The following RBMX variants were observed in gnomAD, a reference collection of about 807,000 sequenced individuals.
The protein encoded by RBMX is RNA binding motif protein X-linked, also known as RNA-binding motif protein, X chromosome.
RBMX carries 1 observed loss-of-function variant against 29.3 expected under a neutral mutation model. The observed-to-expected ratio is 0.03, with a 90% confidence interval of 0.01 to 0.16. RBMX has a LOEUF of 0.16. RBMX is among the 10% of genes least tolerant of loss of function. The probability of loss-of-function intolerance (pLI) is 1.00; values close to 1 mark genes in which losing one functional copy is unlikely to be tolerated. For synonymous variants in RBMX, 102 were observed against 102.3 expected, an observed-to-expected ratio of 1.00 and a Z score of 0.02; for missense variants, 121 against 333.2, an observed-to-expected ratio of 0.36 and a Z score of 4.96.
intron 4 of RBMX, 35 bp from the exon 5 acceptor site, chrX:136,876,690 T>C: frequency 1.0e-6 from 1 of 959,359 alleles, no homozygotes; most frequent in African/African-American, 2.0e-5. Flanking sequence ...ATATTACTAC[T>C]CACAAGAATC....
At chrX:136,872,369 A>G, downstream of RBMX, 1 of 1,146,382 alleles carries the variant, frequency 8.7e-7, no homozygotes, top group Non-Finnish European at 1.2e-6. Context: ...ATAAATGAAA[A>G]CTAGTTATCT....
At chrX:136,879,232 TATC>T (rs1275332968) in intron 2 of RBMX, 84 bp downstream of exon 2, 1 of 1,193,106 alleles carries the variant, frequency 8.4e-7, no homozygotes, top group Non-Finnish European at 1.1e-6. Context: ...AAAAATACAT[TATC>T]ATGTCAGACG....
chrX:136,877,901 AC>A lies in RBMX; in HGVS notation c.388+13del. On this transcript the variant is annotated intron_variant, in intron 4 of 8. Transcript: ENST00000320676. The stretch of plus-strand genomic sequence containing the variant: ...AACTTATACACCAAACCCGAGGTCC[AC>A]GCAAGTTATTACCCATGTGTCCTCC... 3 of 1,168,136 alleles carry A rather than the reference AC, an allele frequency of 2.6e-6. No homozygotes were observed. Among genetic ancestry groups the A allele is most frequent in the Non-Finnish European group, 3.4e-6 (3 of 871,035 alleles).
chrX:136,876,718 T>TC (rs1481734865), intron 4 of RBMX, 63 bp from the exon 5 acceptor site: 148 of 899,103 alleles, frequency 1.6e-4, no homozygotes, highest in Non-Finnish European at 2.1e-4. Flanking sequence ...ATATAAAAGT[T>TC]TTTTTTTTTT....
At chrX:136,875,198 G>C in intron 7 of RBMX, 30 bp from the exon 8 acceptor site, 1 of 1,211,155 alleles carries the variant, frequency 8.3e-7, no homozygotes, top group Non-Finnish European at 1.1e-6. Flanking sequence ...TTAAGTCCCA[G>C]AGAATCAACT....
Position 136,878,088 on chromosome X carries a change from TAA to T in RBMX, c.217-4_217-3del. ...CTTGATGGCTTTTCCATCTAATGAC[TAA>T]AAAAAAAGATACGATTAAATTAAAT... On this transcript the variant is annotated splice_region_variant and splice_polypyrimidine_tract_variant and intron_variant, in intron 3 of 8. Coordinates refer to ENST00000320676, the MANE Select transcript of RBMX (RefSeq NM_002139.4). 2.6e-5 allele frequency: 30 copies of T among 1,133,171 alleles called. No homozygotes were observed. Among genetic ancestry groups the T allele is most frequent in the Non-Finnish European group, 3.5e-5 (30 of 845,095 alleles). 93.4% of individuals were successfully genotyped at this position (1,133,171 alleles called of 1,213,427 possible). A position where few individuals can be genotyped will look rare whatever the true frequency, so the allele number is the denominator to read the frequency against.
chrX:136,874,912 T>G (rs905583023), intron 8 of RBMX, 174 bp downstream of exon 8: 1 of 940,287 alleles, frequency 1.1e-6, no homozygotes, highest in Non-Finnish European at 1.4e-6. Context: ...AAAAGAAACT[T>G]AGAAAAACAA....
chrX:136,874,030 T>G lies in RBMX; in HGVS notation c.*112A>C, dbSNP rs1196828796. ...ATGGAGGGGAACTTAACAGGGAATT[T>G]AAAAAAAGTAACACAATTTTTCCTT... On this transcript the variant is annotated 3_prime_UTR_variant, in exon 9 of 9. Coordinates refer to ENST00000320676, the MANE Select transcript of RBMX (RefSeq NM_002139.4). 1 of 1,118,370 alleles carries G rather than the reference T, an allele frequency of 8.9e-7. No homozygotes were observed. Among genetic ancestry groups the G allele is most frequent in the Non-Finnish European group, 1.2e-6 (1 of 851,450 alleles). The allele number at this position is 1,118,370 out of a possible 1,213,427, so 92.2% of individuals were successfully genotyped here.
chrX:136,880,324 T>C (rs1009787039), intron 1 of RBMX, among the ~76,000 whole-genome samples: 9 of 112,291 alleles, frequency 8.0e-5, no homozygotes, highest in African/African-American at 2.9e-4. Flanking sequence ...GGTATCGCCG[T>C]GGTGCGGTCG....
downstream of RBMX, among the ~76,000 whole-genome samples, chrX:136,871,090 G>C (rs1255546320): frequency 6.5e-5 from 7 of 107,436 alleles, no homozygotes; most frequent in East Asian, 2.0e-3. Context: ...CTCTAGCCTG[G>C]GCAACAAGTG....
chrX:136,876,449 C>T lies in RBMX; in HGVS notation c.541+54G>A, dbSNP rs186222784. The T allele has an allele frequency of 1.8e-5, 20 of 1,106,818 alleles. No individual in the cohort carries two copies. The African/African-American group carries it at 3.4e-4, about 19-fold the overall frequency. 91.2% of individuals were successfully genotyped at this position (1,106,818 alleles called of 1,213,427 possible). ...TTAAAATTTTAAGCATCATTCACCT[C>T]TCAATTCTTTGTGTTACGGTAGTAG... On this transcript the variant is annotated intron_variant, in intron 5 of 8. Transcript: ENST00000320676.
In RBMX at chrX:136,873,471, C is replaced by T. The variant is rs2077696457; in HGVS notation, c.*671G>A. The T allele has an allele frequency of 5.3e-6, 4 of 752,636 alleles. No individual in the cohort carries two copies. The highest frequency in any genetic ancestry group is 6.8e-5 in the South Asian group (1 of 14,725). The allele number at this position is 752,636 out of a possible 1,213,427, so 62.0% of individuals were successfully genotyped here. The stretch of plus-strand genomic sequence containing the variant: ...TTTGCAGCTTCATGGTTGGTTTTGG[C>T]CAAACTTTTTATTTAGTATTCTGTA... On this transcript the variant is annotated 3_prime_UTR_variant, in exon 9 of 9. Coordinates refer to ENST00000320676, the MANE Select transcript of RBMX (RefSeq NM_002139.4).
chrX:136,869,545 C>T (rs1200923194), downstream of RBMX: 1 of 111,600 alleles, frequency 9.0e-6, no homozygotes, highest in African/African-American at 3.3e-5. Context: ...CCCAAGTAAT[C>T]GTAAGAGTAT....
In RBMX at chrX:136,877,856, G is replaced by A. The variant is rs1473567749; in HGVS notation, c.388+59C>T. ...AAGGACTTAACCAAAGCATCCACTTGGTGTGAGCTTGCAGTCCCTAACTTA... is the reference window on the plus strand; with the variant it reads ...AAGGACTTAACCAAAGCATCCACTTAGTGTGAGCTTGCAGTCCCTAACTTA... On this transcript the variant is annotated intron_variant, in intron 4 of 8. Coordinates refer to ENST00000320676, the MANE Select transcript of RBMX (RefSeq NM_002139.4). 9.5e-6 allele frequency: 10 copies of A among 1,052,004 alleles called. No individual in the cohort carries two copies. In the Admixed American group the frequency reaches 2.8e-4, roughly 30 times the overall value. The allele number at this position is 1,052,004 out of a possible 1,213,427, so 86.7% of individuals were successfully genotyped here.
chrX:136,875,662 AAAT>A (rs751147226), intron 5 of RBMX, 77 bp from the exon 6 acceptor site: 19 of 1,115,605 alleles, frequency 1.7e-5, no homozygotes, highest in Non-Finnish European at 2.2e-5. Flanking sequence ...AGGCTATGAA[AAAT>A]AATGAGACTG....
Position 136,875,279 on chromosome X carries a change from T to C in RBMX, c.761A>G (p.Asp254Gly). The C allele has an allele frequency of 8.3e-7, 1 of 1,211,854 alleles. No individual in the cohort carries two copies. The highest frequency in any genetic ancestry group is 1.1e-6 in the Non-Finnish European group (1 of 895,376). Residue 254 changes from aspartate (D) to glycine (G), a missense_variant, in exon 7 of 9, where the codon GAC (aspartate) becomes GGC (glycine). Asp to Gly is a moderately conservative substitution (Grantham distance 94, BLOSUM62 -1). This residue lies in a region of RBMX where 114 missense variants were observed against 260.0 expected (regional missense o/e 0.44). Coordinates refer to ENST00000320676, the MANE Select transcript of RBMX (RefSeq NM_002139.4). ...RDYGHSSSRDDYPSRGYSDRD... is the reference protein window; with the variant it reads ...RDYGHSSSRDGYPSRGYSDRD... ...TTACCTATATCCTCTTGATGGATAG[T>C]CATCACGTGAACTGGAATGACCATA...
chrX:136,872,454 C>T (rs1288149730), downstream of RBMX: 3 of 646,750 alleles, frequency 4.6e-6, no homozygotes, highest in Non-Finnish European at 7.3e-6. Flanking sequence ...TTCAGACTTG[C>T]AGCTTAATAT....
chrX:136,872,226 A>C (rs1371848748), downstream of RBMX: 46 of 994,578 alleles, frequency 4.6e-5, no homozygotes, highest in Admixed American at 8.2e-5. Context: ...TGGTAGTTAC[A>C]CAACATTTAA....
intron 8 of RBMX, chrX:136,874,760 T>C (rs1431313955): frequency 2.6e-6 from 1 of 382,788 alleles, no homozygotes; most frequent in Non-Finnish European, 4.2e-6. Context: ...TTTTGAACTG[T>C]AGAACTTGCC....
Sources: gnomAD v4.1 joint callset for allele counts (sites outside exome capture counted in the v4.1 genomes callset) on GRCh38, gnomAD v4.1.1 for gene constraint, gnomAD v4.1.1 regional missense constraint, MANE v1.5 for transcripts, NCBI Gene and HGNC (gene_info 2026-07-23, HGNC 2026-07-21) for gene names.